Variants in DCAF5 observed in about 807,000 individuals in gnomAD.
The protein encoded by DCAF5 is DDB1- and CUL4-associated factor 5.
A neutral mutation model predicts 80.7 loss-of-function variants in DCAF5; 9 were observed. The ratio of observed to expected loss-of-function variants is 0.11; its 90% CI spans 0.07 to 0.19. The LOEUF (loss-of-function observed/expected upper bound fraction) is 0.19, where lower values mean the gene tolerates loss of function less well. Among genes scored for constraint, DCAF5 ranks in the 10% least tolerant of loss-of-function variants. The pLI is 1.00. For missense variants in DCAF5, 842 were observed against 1,205.7 expected, an observed-to-expected ratio of 0.70 and a Z score of 4.47; for synonymous variants, 433 against 461.9, an observed-to-expected ratio of 0.94 and a Z score of 0.80.
At chr14:69,131,976 C>CT (rs1295988639) in intron 1 of DCAF5, among the ~76,000 whole-genome samples, 2 of 152,058 alleles carry the variant, frequency 1.3e-5, no homozygotes, top group African/African-American at 4.8e-5. Context: ...AATTTCATTT[C>CT]TTTTTAAGGC....
rs753070645 is a variant in DCAF5, at chr14:69,054,627, C to A, written c.2059G>T (p.Gly687Trp). Reference protein sequence around the residue: ...NKDGETSLVTGEADEGRAGTS... With the variant: ...NKDGETSLVTWEADEGRAGTS... ...CCTGCTCTCCCTTCATCTGCCTCCC[C>A]GGTCACCAAGGAGGTCTCTCCATCT... The change falls in exon 9 of 9, where the codon GGG (glycine) becomes TGG (tryptophan). Residue 687 changes from glycine to tryptophan, a missense_variant. Physicochemically the swap from Gly to Trp is radical, Grantham distance 184 (BLOSUM62 -2). Transcript: ENST00000341516. 3.1e-6 allele frequency: 5 copies of A among 1,614,040 alleles called. No homozygotes were observed. Among genetic ancestry groups the A allele is most frequent in the Non-Finnish European group, 4.2e-6 (5 of 1,180,004 alleles).
At chr14:69,117,262 T>C (rs1208181897) in intron 4 of DCAF5, among the ~76,000 whole-genome samples, 1 of 152,208 alleles carries the variant, frequency 6.6e-6, no homozygotes, top group African/African-American at 2.4e-5. Flanking sequence ...GAATTTCACT[T>C]ACCAAGCCCA....
At chr14:69,108,863 G>A (rs1024994956) in intron 5 of DCAF5, among the ~76,000 whole-genome samples, 2 of 152,092 alleles carry the variant, frequency 1.3e-5, no homozygotes, top group African/African-American at 4.8e-5. Flanking sequence ...TTCTGTTGCA[G>A]TTTTCTATAA....
chr14:69,120,634 T>A (rs1440796168), intron 2 of DCAF5, among the ~76,000 whole-genome samples: 1 of 152,182 alleles, frequency 6.6e-6, no homozygotes, highest in East Asian at 1.9e-4. Context: ...GTCACTTAAA[T>A]AGAAAGCAAA....
intron 6 of DCAF5, among the ~76,000 whole-genome samples, chr14:69,077,252 G>C (rs1176929045): frequency 2.0e-5 from 3 of 152,194 alleles, no homozygotes; most frequent in African/African-American, 7.2e-5. Context: ...GCCCATGCTA[G>C]AGTGCAGTGG....
intron 1 of DCAF5, among the ~76,000 whole-genome samples, chr14:69,129,978 A>C (rs2040992283): frequency 6.6e-6 from 1 of 152,240 alleles, no homozygotes; most frequent in Non-Finnish European, 1.5e-5. Context: ...TCATCAAAAA[A>C]TGTACTATAA....
intron 4 of DCAF5, among the ~76,000 whole-genome samples, chr14:69,117,658 T>A (rs2040583445): frequency 6.6e-6 from 1 of 151,882 alleles, no homozygotes; most frequent in Non-Finnish European, 1.5e-5. Context: ...CATCAGAGAG[T>A]CAAAGGGCAC....
intron 5 of DCAF5, among the ~76,000 whole-genome samples, chr14:69,111,468 T>A (rs1314629425): frequency 6.6e-6 from 1 of 152,180 alleles, no homozygotes; most frequent in Non-Finnish European, 1.5e-5. Context: ...CTCTTTATTA[T>A]CCTTGTCAAA....
chr14:69,128,816 A>G (rs549296471), intron 1 of DCAF5, among the ~76,000 whole-genome samples: 1 of 152,172 alleles, frequency 6.6e-6, no homozygotes, highest in Non-Finnish European at 1.5e-5. Flanking sequence ...TGCCAGGCCC[A>G]GTGGCTCATG....
intron 5 of DCAF5, among the ~76,000 whole-genome samples, chr14:69,106,356 T>G (rs1368892429): frequency 6.6e-6 from 1 of 151,634 alleles, no homozygotes; most frequent in Non-Finnish European, 1.5e-5. Flanking sequence ...GTGCCCACCT[T>G]AACTGTTTTT....
intron 7 of DCAF5, among the ~76,000 whole-genome samples, chr14:69,068,850 A>AAGGATACT (rs566672014): frequency 1.1e-4 from 17 of 152,286 alleles, no homozygotes; most frequent in African/African-American, 4.1e-4. Context: ...GAGGACCATC[A>AAGGATACT]AGGATACTGA....
intron 5 of DCAF5, among the ~76,000 whole-genome samples, chr14:69,103,908 C>G (rs1458238745): frequency 1.3e-5 from 2 of 152,086 alleles, no homozygotes; most frequent in African/African-American, 4.8e-5. Flanking sequence ...ACAAAATTTC[C>G]TTAAAGTTCA....
intron 1 of DCAF5, among the ~76,000 whole-genome samples, chr14:69,126,149 G>A (rs1283614994): frequency 6.7e-6 from 1 of 148,616 alleles, no homozygotes; most frequent in Admixed American, 6.7e-5. Flanking sequence ...TAAATAGACA[G>A]AGATTCTTTT....
intron 5 of DCAF5, among the ~76,000 whole-genome samples, chr14:69,102,621 T>TACACACAC (rs1566756133): frequency 2.0e-5 from 2 of 102,094 alleles, no homozygotes; most frequent in Non-Finnish European, 4.0e-5. Context: ...CACACACACA[T>TACACACAC]ATTAGCCTAG....
At chr14:69,111,100 G>A (rs907454595) in intron 5 of DCAF5, among the ~76,000 whole-genome samples, 1 of 152,184 alleles carries the variant, frequency 6.6e-6, no homozygotes, top group Non-Finnish European at 1.5e-5. Context: ...ATCAGAGCAT[G>A]AGTGCCTTTT....
At chr14:69,085,278 G>A in intron 6 of DCAF5, 1 of 716,970 alleles carries the variant, frequency 1.4e-6, no homozygotes, top group African/African-American at 1.8e-5. Flanking sequence ...AGCAGAAAAA[G>A]CGAGTAGGCA....
At chr14:69,086,069 A>G (rs549348418) in intron 6 of DCAF5, among the ~76,000 whole-genome samples, 1 of 152,304 alleles carries the variant, frequency 6.6e-6, no homozygotes, top group Admixed American at 6.5e-5. Context: ...TTAAAATATA[A>G]TAGTGGGCTG....
rs1230396454 is a variant in DCAF5, at chr14:69,055,301, G to T, written c.1385C>A (p.Ser462Ter). The T allele has an allele frequency of 6.2e-7, 1 of 1,614,032 alleles. No homozygotes were observed. Among genetic ancestry groups the T allele is most frequent in the African/African-American group, 1.3e-5 (1 of 74,916 alleles). Residue 462 changes from serine (S) to a stop codon, truncating the protein, a stop_gained, in exon 9 of 9, where the codon TCG (serine) becomes TAG (stop). Coordinates refer to ENST00000341516, the MANE Select transcript of DCAF5 (RefSeq NM_003861.3). LOFTEE classifies it high-confidence loss of function. This position sits in a 1 kb window ranked among gnomAD's most constrained non-coding sequence, Gnocchi z 5.6. Reference sequence around the variant, plus strand: ...AGGCGGGGAGCGAGGCAATGAGGCCGAAGACTCTGAGTCAGTGTAGCCTGA... The same window carrying T: ...AGGCGGGGAGCGAGGCAATGAGGCCTAAGACTCTGAGTCAGTGTAGCCTGA... The part of the protein sequence containing the change: ...ERSGYTDSES[S>*]ASLPRSPPPT...
chr14:69,060,617 C>T (rs1013856950), intron 8 of DCAF5, among the ~76,000 whole-genome samples: 4 of 151,968 alleles, frequency 2.6e-5, no homozygotes, highest in Non-Finnish European at 4.4e-5. Context: ...CTACAACCTC[C>T]GCGTCCTGGG....
Sources: allele counts gnomAD v4.1 joint callset (sites outside exome capture counted in the v4.1 genomes callset), GRCh38; gene constraint gnomAD v4.1.1; non-coding constraint Gnocchi (gnomAD v3.1); transcripts MANE v1.5; gene names NCBI Gene and HGNC (gene_info 2026-07-23, HGNC 2026-07-21).